PIGN: variants seen among roughly 807,000 people sequenced by gnomAD.
PIGN encodes GPI ethanolamine phosphate transferase 1.
PIGN carries 117 observed loss-of-function variants against 125.4 expected under a neutral mutation model. That is an observed-to-expected ratio of 0.93 (90% CI 0.80 to 1.09). The LOEUF is 1.09. PIGN is among the 50% of genes least tolerant of loss of function. The probability of loss-of-function intolerance (pLI) is 0.00; values close to 1 mark genes in which losing one functional copy is unlikely to be tolerated. For missense variants in PIGN, 1,075 were observed against 1,094.9 expected (o/e 0.98, Z 0.26); for synonymous variants, 392 against 377.8 (o/e 1.04, Z -0.44).
intron 23 of PIGN, among the ~76,000 whole-genome samples, chr18:62,018,834 T>C (rs190699900): frequency 7.3e-4 from 111 of 152,158 alleles, no homozygotes; most frequent in African/African-American, 2.6e-3. Context: ...CCTCACTTCC[T>C]CATCTACAGA....
Position 62,072,729 on chromosome 18 carries a change from TA to T in PIGN, c.2620-5del, listed in dbSNP as rs11437076. 0.092 allele frequency: 121,639 copies of T among 1,317,190 alleles called. 2 individuals carry two copies. The highest frequency in any genetic ancestry group is 0.097 in the Non-Finnish European group (94,623 of 970,500). 81.6% of individuals were successfully genotyped at this position (1,317,190 alleles called of 1,614,324 possible). A position where few individuals can be genotyped will look rare whatever the true frequency, so the allele number is the denominator to read the frequency against. ...CCTTGACCAAGAAGAAAAAATGCTG[TA>T]AAAAAAAAAAAAGGCTTAATGAAAA... is the stretch of plus-strand genomic sequence containing the variant. On this transcript the variant is annotated splice_polypyrimidine_tract_variant and splice_region_variant and intron_variant, in intron 29 of 30. Transcript: ENST00000640252.
At chr18:62,140,326 C>T (rs1270634185) in intron 12 of PIGN, 94 bp downstream of exon 12, 1 of 572,848 alleles carries the variant, frequency 1.7e-6, no homozygotes, top group African/African-American at 1.9e-5. Flanking sequence ...AAAAAAAAAC[C>T]CAGATTATTC....
intron 7 of PIGN, among the ~76,000 whole-genome samples, chr18:62,149,161 T>C (rs1367664810): frequency 1.3e-5 from 2 of 152,180 alleles, no homozygotes; most frequent in Non-Finnish European, 2.9e-5. Flanking sequence ...GTTTAACTTT[T>C]CAACAAAAGT....
Position 62,131,204 on chromosome 18 carries a change from G to GT in PIGN, c.1172+7038dup, listed in dbSNP as rs1047348401. On this transcript the variant is annotated intron_variant, in intron 14 of 30. Transcript: ENST00000640252. ...TGTTGCCATTTTAGTAGAAAATACA[G>GT]TTTTTTGTTAAAATTTCTTTGTTTA... Among the ~76,000 whole-genome samples, 18 of 152,086 alleles carry GT rather than the reference G, an allele frequency of 1.2e-4. No homozygotes were observed. In the Middle Eastern group the frequency reaches 0.014, roughly 116 times the overall value.
intron 30 of PIGN, among the ~76,000 whole-genome samples, chr18:62,066,400 G>C (rs559370509): frequency 4.7e-4 from 72 of 152,276 alleles, no homozygotes; most frequent in Non-Finnish European, 6.6e-4. Flanking sequence ...TACTGTGAAC[G>C]ATAGTATCTA....
At chr18:62,030,790 G>A (rs934220086) in intron 23 of PIGN, among the ~76,000 whole-genome samples, 10 of 152,080 alleles carry the variant, frequency 6.6e-5, no homozygotes, top group Admixed American at 5.2e-4. Context: ...GGCACTGCAT[G>A]TGCCTTTGGG....
Position 62,154,589 on chromosome 18 carries a change from G to C in PIGN, c.505C>G (p.Gln169Glu), listed in dbSNP as rs369966550. The change falls in exon 7 of 31, where the codon CAA (glutamine) becomes GAA (glutamate). Residue 169 changes from glutamine (Q) to glutamate (E), a missense_variant. Transcript: ENST00000640252. ...CACGTATCCAGTTTTGTTGCATCTT[G>C]AGCACCAAAATCCTCTCTTTTAGCA... ...YDAKREDFGA[Q>E]DATKLDTWVF... 6.3e-7 allele frequency: 1 copy of C among 1,594,884 alleles called. No homozygotes were observed. Among genetic ancestry groups the C allele is most frequent in the Non-Finnish European group, 8.6e-7 (1 of 1,163,634 alleles).
At chr18:62,150,396 T>C (rs756468006) in intron 7 of PIGN, among the ~76,000 whole-genome samples, 11 of 152,122 alleles carry the variant, frequency 7.2e-5, no homozygotes, top group Non-Finnish European at 1.5e-4. Flanking sequence ...CACAATAAAG[T>C]ATTAAGGGAA....
At chr18:62,121,118 G>A (rs1304840371) in intron 14 of PIGN, among the ~76,000 whole-genome samples, 2 of 152,136 alleles carry the variant, frequency 1.3e-5, no homozygotes, top group African/African-American at 4.8e-5. Context: ...ATTGGCAAGG[G>A]CATTTGCCAA....
intron 1 of PIGN, among the ~76,000 whole-genome samples, chr18:62,180,308 G>C (rs993197024): frequency 6.6e-6 from 1 of 152,028 alleles, no homozygotes; most frequent in Non-Finnish European, 1.5e-5. Context: ...CAATATTCTT[G>C]CATGTACATA....
intron 23 of PIGN, among the ~76,000 whole-genome samples, chr18:62,025,978 T>A (rs1241793037): frequency 6.6e-6 from 1 of 152,184 alleles, no homozygotes. Context: ...AAGACCTACA[T>A]CCAGTATCAG....
chr18:62,157,342 T>C (rs767123461), intron 5 of PIGN, 115 bp from the exon 6 acceptor site: 51 of 564,144 alleles, frequency 9.0e-5, no homozygotes, highest in African/African-American at 8.3e-4. Flanking sequence ...GCAAAACTAA[T>C]AGATTTTATA....
At chr18:62,070,942 A>G (rs1042112262) in intron 30 of PIGN, among the ~76,000 whole-genome samples, 2 of 151,974 alleles carry the variant, frequency 1.3e-5, no homozygotes, top group African/African-American at 4.8e-5. Flanking sequence ...AGTAGCTGAG[A>G]CTACAGGCAT....
chr18:62,157,303 A>G, intron 5 of PIGN, 76 bp from the exon 6 acceptor site: 2 of 714,446 alleles, frequency 2.8e-6, no homozygotes, highest in Non-Finnish European at 4.8e-6. Context: ...TCTTCAAATA[A>G]TAACAATTAC....
intron 23 of PIGN, among the ~76,000 whole-genome samples, chr18:62,020,795 T>A (rs1215766971): frequency 1.4e-5 from 2 of 141,044 alleles, no homozygotes; most frequent in South Asian, 4.6e-4. Flanking sequence ...CTAAAAATAT[T>A]AAAAAAAAAA....
chr18:62,061,275 T>A (rs569611846), intron 30 of PIGN, among the ~76,000 whole-genome samples: 7 of 152,018 alleles, frequency 4.6e-5, no homozygotes, highest in Non-Finnish European at 1.0e-4. Context: ...GACAAATCTC[T>A]CAAAAGTGTT....
At chr18:62,090,384 G>T in intron 24 of PIGN, 92 bp downstream of exon 24, 1 of 689,522 alleles carries the variant, frequency 1.5e-6, no homozygotes, top group Non-Finnish European at 2.4e-6. Flanking sequence ...AAAATTTTAA[G>T]TAGAAAGAAT....
chr18:62,030,402 C>T (rs1227408433), intron 23 of PIGN, among the ~76,000 whole-genome samples: 1 of 152,174 alleles, frequency 6.6e-6, no homozygotes, highest in Non-Finnish European at 1.5e-5. Context: ...TCAAGTAAGC[C>T]CCTGAGGGCA....
rs2037244831 is a variant in PIGN at position 62,168,794 on chromosome 18, A to G, written c.-235-5138T>C. Among the ~76,000 whole-genome samples the G allele has an allele frequency of 4.6e-5, 7 of 152,244 alleles. No homozygotes were observed. The South Asian group carries it at 1.5e-3, about 32-fold the overall frequency. Reference sequence around the variant, plus strand: ...TCATAATGAACAAACCCATCAACCTAAAAGTTTTCTTATGAGTCTTTGTAA... The same window carrying G: ...TCATAATGAACAAACCCATCAACCTGAAAGTTTTCTTATGAGTCTTTGTAA... On this transcript the variant is annotated intron_variant, in intron 1 of 30. Transcript: ENST00000640252.
Sources: gnomAD v4.1 joint callset for allele counts (sites outside exome capture counted in the v4.1 genomes callset) on GRCh38, gnomAD v4.1.1 for gene constraint, MANE v1.5 for transcripts, NCBI Gene and HGNC (gene_info 2026-07-23, HGNC 2026-07-21) for gene names.